The following DPP10 variants were observed in gnomAD, a reference collection of about 807,000 sequenced individuals.
DPP10 encodes dipeptidyl peptidase like 10.
Under a neutral mutation model 120.9 loss-of-function variants are expected in DPP10, and 33 were observed. The ratio of observed to expected loss-of-function variants is 0.27; its 90% CI spans 0.21 to 0.37. The LOEUF is 0.37. DPP10 is among the 10% of genes least tolerant of loss of function. The probability of loss-of-function intolerance (pLI) is 1.00; values close to 1 mark genes in which losing one functional copy is unlikely to be tolerated. For synonymous variants in DPP10, 337 were observed against 326.1 expected (o/e 1.03, Z -0.36); for missense variants, 816 against 942.8 (o/e 0.87, Z 1.76).
chr2:115,231,709 A>G (rs1048255013), intron 1 of DPP10, among the ~76,000 whole-genome samples: 3 of 152,164 alleles, frequency 2.0e-5, no homozygotes, highest in African/African-American at 7.2e-5. Flanking sequence ...GCCCCCAAGT[A>G]TTTTAATCAA....
intron 5 of DPP10, among the ~76,000 whole-genome samples, chr2:115,540,442 G>A (rs2079109630): frequency 6.6e-6 from 1 of 151,652 alleles, no homozygotes; most frequent in African/African-American, 2.4e-5. Context: ...TGAATAAGTG[G>A]GGGAAACAAA....
At chr2:115,138,893 C>T (rs1284163708) in intron 1 of DPP10, among the ~76,000 whole-genome samples, 12 of 152,258 alleles carry the variant, frequency 7.9e-5, no homozygotes, top group Middle Eastern at 3.4e-3. Context: ...GATTCACAGT[C>T]TGTAGTAAAT....
At chr2:115,244,120 TA>T (rs1268439787) in intron 1 of DPP10, among the ~76,000 whole-genome samples, 2 of 150,154 alleles carry the variant, frequency 1.3e-5, no homozygotes, top group South Asian at 2.1e-4. Context: ...CATTTGAAAT[TA>T]AAAAAAATCT....
chr2:115,418,121 G>C (rs2069594939), intron 3 of DPP10, among the ~76,000 whole-genome samples: 1 of 152,190 alleles, frequency 6.6e-6, no homozygotes, highest in Non-Finnish European at 1.5e-5. Context: ...TTCAAAGGTA[G>C]AGTTGAGAGC....
chr2:115,432,763 T>C (rs1371541461), intron 3 of DPP10, among the ~76,000 whole-genome samples: 1 of 151,014 alleles, frequency 6.6e-6, no homozygotes, highest in Non-Finnish European at 1.5e-5. Flanking sequence ...AACAATGAGA[T>C]ATTATTGATT....
At chr2:114,516,722 A>T (rs1447082006) in intron 1 of DPP10, among the ~76,000 whole-genome samples, 2 of 152,242 alleles carry the variant, frequency 1.3e-5, no homozygotes, top group Non-Finnish European at 2.9e-5. Flanking sequence ...AATAGTTTAA[A>T]CTGGTTTACC....
chr2:114,886,302 G>A (rs7563801), intron 1 of DPP10, among the ~76,000 whole-genome samples: 150,371 of 152,314 alleles, frequency 0.99, 74,258 homozygotes, highest in East Asian at 1. Flanking sequence ...GTAAAAAACA[G>A]GTCATCCAAA....
intron 2 of DPP10, among the ~76,000 whole-genome samples, chr2:115,328,597 C>T (rs1030033093): frequency 3.3e-5 from 5 of 152,028 alleles, no homozygotes; most frequent in Non-Finnish European, 7.4e-5. Context: ...GTTTGCAGCT[C>T]ATCATGTGTG....
At chr2:114,638,847 C>T (rs549312695) in intron 1 of DPP10, among the ~76,000 whole-genome samples, 4 of 151,908 alleles carry the variant, frequency 2.6e-5, no homozygotes, top group South Asian at 4.1e-4. Context: ...CTTTGTTCAT[C>T]GTAGCACTAT....
At chr2:115,272,057 TA>T (rs1490259622) in intron 1 of DPP10, among the ~76,000 whole-genome samples, 1 of 152,118 alleles carries the variant, frequency 6.6e-6, no homozygotes, top group African/African-American at 2.4e-5. Context: ...TGTTAATAAT[TA>T]AATGTGTTTT....
intron 3 of DPP10, among the ~76,000 whole-genome samples, chr2:115,392,227 T>C (rs2067368339): frequency 6.6e-6 from 1 of 152,144 alleles, no homozygotes; most frequent in Non-Finnish European, 1.5e-5. Flanking sequence ...CCGCAAAGCC[T>C]GAAATTAACT....
At chr2:115,036,629 T>C (rs1704242916) in intron 1 of DPP10, among the ~76,000 whole-genome samples, 1 of 152,160 alleles carries the variant, frequency 6.6e-6, no homozygotes, top group Admixed American at 6.5e-5. Flanking sequence ...CAAACTACTT[T>C]CTGCTTTTTA....
intron 1 of DPP10, among the ~76,000 whole-genome samples, chr2:114,467,416 C>A (rs895824444): frequency 6.6e-6 from 1 of 152,088 alleles, no homozygotes; most frequent in African/African-American, 2.4e-5. Flanking sequence ...TATTTTCATG[C>A]AATATTTTCT....
At chr2:115,414,375 C>G (rs2069200952) in intron 3 of DPP10, among the ~76,000 whole-genome samples, 1 of 152,102 alleles carries the variant, frequency 6.6e-6, no homozygotes, top group African/African-American at 2.4e-5. Flanking sequence ...TTCCGCCATG[C>G]TCTGAGGGAG....
At chr2:115,570,908 C>T (rs2081299813) in intron 5 of DPP10, among the ~76,000 whole-genome samples, 1 of 152,082 alleles carries the variant, frequency 6.6e-6, no homozygotes, top group African/African-American at 2.4e-5. Flanking sequence ...CAGTGATTAA[C>T]GTATTTCACC....
At chr2:115,338,612 C>G (rs1291617169) in intron 2 of DPP10, among the ~76,000 whole-genome samples, 1 of 152,062 alleles carries the variant, frequency 6.6e-6, no homozygotes, top group East Asian at 1.9e-4. Flanking sequence ...AGACATGAGC[C>G]ACCTTGCCCA....
chr2:115,171,037 C>CT, intron 1 of DPP10, among the ~76,000 whole-genome samples: 1 of 152,232 alleles, frequency 6.6e-6, no homozygotes, highest in East Asian at 1.9e-4. Context: ...CATCGTCTGT[C>CT]TAAGAGTTGA....
chr2:114,512,195 C>A (rs1573532480), intron 1 of DPP10, among the ~76,000 whole-genome samples: 1 of 152,182 alleles, frequency 6.6e-6, no homozygotes, highest in African/African-American at 2.4e-5. Context: ...TGATCTTCTT[C>A]TGAATTAGTG....
chr2:115,453,779 A>G (rs568039321), intron 3 of DPP10, among the ~76,000 whole-genome samples: 1 of 151,672 alleles, frequency 6.6e-6, no homozygotes, highest in African/African-American at 2.4e-5. Context: ...GAAGAAAATA[A>G]TAAAGATTAA....
Sources: gnomAD v4.1 joint callset for allele counts (sites outside exome capture counted in the v4.1 genomes callset) on GRCh38, gnomAD v4.1.1 for gene constraint, MANE v1.5 for transcripts, NCBI Gene and HGNC (gene_info 2026-07-23, HGNC 2026-07-21) for gene names.